Variants in TRPM4 observed in about 807,000 individuals in gnomAD.
TRPM4 encodes the protein calcium-activated non-selective cation channel 1.
TRPM4 carries 124 observed loss-of-function variants against 135.6 expected under a neutral mutation model. The ratio of observed to expected loss-of-function variants is 0.91; its 90% CI spans 0.79 to 1.06. The LOEUF (loss-of-function observed/expected upper bound fraction) is 1.06. Among genes scored for constraint, TRPM4 ranks in the 50% least tolerant of loss-of-function variants. TRPM4 has a pLI of 0.00. For missense variants in TRPM4, 1,658 were observed against 1,671.4 expected (o/e 0.99, Z 0.14); for synonymous variants, 745 against 705.6 (o/e 1.06, Z -0.88).
intron 9 of TRPM4, among the ~76,000 whole-genome samples, chr19:49,175,925 C>G (rs1450935822): frequency 7.6e-6 from 1 of 131,034 alleles, no homozygotes; most frequent in Non-Finnish European, 1.6e-5. Context: ...CGGCGCCCGG[C>G]CTCTTTTTTT....
Position 49,182,740 on chromosome 19 carries a change from C to A in TRPM4, c.1426C>A (p.Leu476Ile). The change falls in exon 11 of 25, where the codon CTT (leucine) becomes ATT (isoleucine). Residue 476 changes from leucine (L) to isoleucine (I), a missense_variant. Leu to Ile is a conservative substitution (Grantham distance 5). This residue lies in a region of TRPM4 where 1,412 missense variants were observed against 1,408.7 expected (regional missense o/e 1.00). Transcript: ENST00000252826. ...AAPSNSLIRN[L>I]LDQASHSAGT... Reference sequence around the variant, plus strand: ...GCCCTCCAACTCGCTCATCCGCAACCTTTTGGACCAGGCGTCCCACAGCGC... The same window carrying A: ...GCCCTCCAACTCGCTCATCCGCAACATTTTGGACCAGGCGTCCCACAGCGC... 1 of 1,614,088 alleles carries A rather than the reference C, an allele frequency of 6.2e-7. No homozygotes were observed. Among genetic ancestry groups the A allele is most frequent in the Non-Finnish European group, 8.5e-7 (1 of 1,179,960 alleles).
chr19:49,177,978 A>G (rs1600441370), intron 9 of TRPM4, among the ~76,000 whole-genome samples: 1 of 152,312 alleles, frequency 6.6e-6, no homozygotes, highest in Admixed American at 6.5e-5. Context: ...AATGCCAGGC[A>G]GAGGGGCTAA....
Position 49,210,563 on chromosome 19 carries a change from A to C in TRPM4, c.3329-147A>C. Reference sequence around the variant, plus strand: ...GGGCGGAGCTTAAGCACTGAGGGGCAGTGCTTACGGGTGAGGGGCGGGGCA... The same window carrying C: ...GGGCGGAGCTTAAGCACTGAGGGGCCGTGCTTACGGGTGAGGGGCGGGGCA... On this transcript the variant is annotated intron_variant, in intron 21 of 24. Transcript: ENST00000252826. The surrounding 1 kb of genome is among the most constrained non-coding windows in gnomAD (Gnocchi z 4.1). 1 of 1,428,586 alleles carries C rather than the reference A, an allele frequency of 7.0e-7. No homozygotes were observed. The highest frequency in any genetic ancestry group is 9.7e-7 in the Non-Finnish European group (1 of 1,030,556). 88.5% of individuals were successfully genotyped at this position (1,428,586 alleles called of 1,614,324 possible). A position where few individuals can be genotyped will look rare whatever the true frequency, so the allele number is the denominator to read the frequency against.
At chr19:49,160,771 C>T (rs1966930522) in intron 2 of TRPM4, among the ~76,000 whole-genome samples, 1 of 151,922 alleles carries the variant, frequency 6.6e-6, no homozygotes, top group African/African-American at 2.4e-5. Context: ...AGAGGATGAA[C>T]AGGAGCTCGG....
At chr19:49,166,291 GC>G in intron 3 of TRPM4, 76 bp downstream of exon 3, 1 of 1,460,100 alleles carries the variant, frequency 6.8e-7, no homozygotes. Flanking sequence ...GAGCCGGGAC[GC>G]CCGCCCTGAA....
chr19:49,167,640 C>CCT (rs1967266186), intron 3 of TRPM4: 12 of 328,614 alleles, frequency 3.7e-5, no homozygotes, highest in Non-Finnish European at 4.9e-5. Context: ...GGTCTCTGTC[C>CCT]CTCTCTCTCT....
At chr19:49,197,473 C>CTCCTTCCT (rs59760626) in intron 17 of TRPM4, among the ~76,000 whole-genome samples, 42,339 of 114,336 alleles carry the variant, frequency 0.37, 8,323 homozygotes, top group East Asian at 0.49. Context: ...GCCTCCCTCC[C>CTCCTTCCT]TCCTTCCTTC....
chr19:49,198,314 A>G lies in TRPM4; in HGVS notation c.2645+1440A>G, dbSNP rs2548479. ...ATATTTTGGACAGTTTATCAAGCCT[A>G]CCACTTTCCAGGTGAAAAATGGAAA... On this transcript the variant is annotated intron_variant, in intron 17 of 24. Coordinates refer to ENST00000252826, the MANE Select transcript of TRPM4 (RefSeq NM_017636.4). Among the ~76,000 whole-genome samples, 1,303 of 152,292 alleles carry G rather than the reference A, an allele frequency of 8.6e-3. 21 individuals are homozygous for G. Among genetic ancestry groups the G allele is most frequent in the African/African-American group, 0.029 (1,223 of 41,554 alleles).
chr19:49,182,436 T>TCATCCATCCATCCATCCACC (rs1226405360), intron 10 of TRPM4, 142 bp from the exon 11 acceptor site: 1 of 637,916 alleles, frequency 1.6e-6, no homozygotes, highest in African/African-American at 2.8e-5. Context: ...ACCTATCCAT[T>TCATCCATCCATCCATCCACC]CATCCATCCA....
At position 49,168,636 on chromosome 19, in the gene TRPM4, C is replaced by A; in HGVS notation, c.696C>A (p.Phe232Leu). 1 of 1,613,678 alleles carries A rather than the reference C, an allele frequency of 6.2e-7. No individual in the cohort carries two copies. The highest frequency in any genetic ancestry group is 1.1e-5 in the South Asian group (1 of 91,072). Residue 232 changes from phenylalanine to leucine, a missense_variant, in exon 6 of 25, where the codon TTC becomes TTA. Coordinates refer to ENST00000252826, the MANE Select transcript of TRPM4 (RefSeq NM_017636.4). ...QFPLDYNYSA[F>L]FLVDDGTHGC... ...CCCTGGACTACAACTACTCGGCCTT[C>A]TTCCTGGTGGACGACGGCACACACG... is the stretch of plus-strand genomic sequence containing the variant.
chr19:49,200,581 G>A (rs760776181), intron 18 of TRPM4, 30 bp from the exon 19 acceptor site: 4 of 1,608,802 alleles, frequency 2.5e-6, no homozygotes, highest in East Asian at 2.2e-5. Flanking sequence ...AGGAAAGGGC[G>A]GGGCCAGACT....
intron 9 of TRPM4, among the ~76,000 whole-genome samples, chr19:49,178,785 G>A (rs931650993): frequency 8.1e-6 from 1 of 123,066 alleles, no homozygotes; most frequent in Non-Finnish European, 2.0e-5. Flanking sequence ...TTGAGATGGA[G>A]TCTTGCTCTG....
chr19:49,163,482 C>T (rs184071632), intron 2 of TRPM4, among the ~76,000 whole-genome samples: 9 of 152,214 alleles, frequency 5.9e-5, no homozygotes, highest in Non-Finnish European at 1.0e-4. Context: ...TCATGAGCCA[C>T]CATGCCCGGC....
At chr19:49,163,343 G>A (rs559248074) in intron 2 of TRPM4, among the ~76,000 whole-genome samples, 12 of 151,360 alleles carry the variant, frequency 7.9e-5, no homozygotes, top group Non-Finnish European at 1.6e-4. Flanking sequence ...CTACAGGCGC[G>A]TACCACCATG....
At chr19:49,190,446 C>G (rs1457473884) in intron 15 of TRPM4, 126 bp downstream of exon 15, 3 of 924,002 alleles carry the variant, frequency 3.2e-6, no homozygotes, top group African/African-American at 3.3e-5. Context: ...ATGGGACTCT[C>G]TGTCCCTCCA....
chr19:49,158,657 A>C (rs2041568438), intron 2 of TRPM4: 1 of 220,220 alleles, frequency 4.5e-6, no homozygotes, highest in Non-Finnish European at 9.1e-6. Flanking sequence ...AGCGCTCCCA[A>C]GGTCCCTTTA....
rs1439683845 is a variant in TRPM4, at chr19:49,210,303, G to A, written c.3226G>A (p.Ala1076Thr). The A allele has an allele frequency of 8.1e-6, 13 of 1,614,104 alleles. No individual in the cohort carries two copies. The highest frequency in any genetic ancestry group is 9.3e-6 in the Non-Finnish European group (11 of 1,180,058). ...GGAATTCCACTCTCGGCCCGCGCTG[G>A]CCCCGCCCTTTATCGTCATCTCCCA... ...IREFHSRPAL[A>T]PPFIVISHLR... The change falls in exon 21 of 25, where the codon GCC becomes ACC. Residue 1076 changes from alanine to threonine, a missense_variant. By Grantham distance (58) the Ala-to-Thr change is moderately conservative. Transcript: ENST00000252826. This position sits in a 1 kb window ranked among gnomAD's most constrained non-coding sequence, Gnocchi z 4.1.
rs778825571 is a variant in TRPM4, at chr19:49,171,639, C to T, written c.920C>T (p.Ala307Val). 3.7e-6 allele frequency: 6 copies of T among 1,613,914 alleles called. No individual in the cohort carries two copies. Among genetic ancestry groups the T allele is most frequent in the Admixed American group, 1.7e-5 (1 of 60,024 alleles). ...PCLLVAGSGG[A>V]ADCLAETLED... ...CTCCTCGTGGCTGGCTCAGGGGGAGCTGCGGACTGCCTGGCGGAGACCCTG... is the reference window on the plus strand; with the variant it reads ...CTCCTCGTGGCTGGCTCAGGGGGAGTTGCGGACTGCCTGGCGGAGACCCTG... The change falls in exon 8 of 25, where the codon GCT (alanine) becomes GTT (valine). Residue 307 changes from alanine to valine, a missense_variant. Ala to Val is a moderately conservative substitution (Grantham distance 64). Around this residue, in one of 3 missense-constraint regions of TRPM4, gnomAD observed 1,412 missense variants for 1,408.7 expected, o/e 1.00. Coordinates refer to ENST00000252826, the MANE Select transcript of TRPM4 (RefSeq NM_017636.4). The surrounding 1 kb of genome is among the most constrained non-coding windows in gnomAD (Gnocchi z 4.7).
intron 17 of TRPM4, among the ~76,000 whole-genome samples, chr19:49,199,372 C>T (rs1968827970): frequency 6.6e-6 from 1 of 152,298 alleles, no homozygotes; most frequent in East Asian, 1.9e-4. Context: ...CATTCTCCTG[C>T]CTCAGCCTAC....
Sources: gnomAD v4.1 joint callset for allele counts (sites outside exome capture counted in the v4.1 genomes callset) on GRCh38, gnomAD v4.1.1 for gene constraint, gnomAD v4.1.1 regional missense constraint, Gnocchi (gnomAD v3.1) non-coding constraint, MANE v1.5 for transcripts, NCBI Gene and HGNC (gene_info 2026-07-23, HGNC 2026-07-21) for gene names.